Variants in ZNF282 observed in about 807,000 individuals in gnomAD.
ZNF282 encodes HTLV-I U5 repressive element-binding protein 1.
In ZNF282, 30 loss-of-function variants were observed where a neutral mutation model predicts 61.9. That is an observed-to-expected ratio of 0.48 (90% confidence interval 0.36 to 0.66). The LOEUF (loss-of-function observed/expected upper bound fraction) is 0.66, where lower values mean the gene tolerates loss of function less well. Among genes scored for constraint, ZNF282 ranks in the 30% least tolerant of loss-of-function variants. The pLI is 0.00. For synonymous variants in ZNF282, 396 were observed against 405.0 expected, an observed-to-expected ratio of 0.98 and a Z score of 0.27; for missense variants, 788 against 941.4, an observed-to-expected ratio of 0.84 and a Z score of 2.13.
In ZNF282 at chr7:149,212,450, A is replaced by G; in HGVS notation, c.1045A>G (p.Ile349Val). Residue 349 changes from isoleucine (I) to valine (V), a missense_variant, in exon 6 of 8, where the codon ATT becomes GTT. This residue lies in a region of ZNF282 where 559 missense variants were observed against 642.0 expected (regional missense o/e 0.87). Transcript: ENST00000610704. ...WDQQDLADRD[I>V]PTDPNSESLI... Reference sequence around the variant, plus strand: ...TCAGCAGGATTTGGCAGACAGAGATATTCCCACGGATCCCAATTCAGGTGA... The same window carrying G: ...TCAGCAGGATTTGGCAGACAGAGATGTTCCCACGGATCCCAATTCAGGTGA... The G allele has an allele frequency of 2.5e-6, 4 of 1,612,562 alleles. No homozygotes were observed. Among genetic ancestry groups the G allele is most frequent in the South Asian group, 1.1e-5 (1 of 90,646 alleles).
chr7:149,207,247 C>A, intron 3 of ZNF282, 104 bp from the exon 4 acceptor site: 2 of 1,432,426 alleles, frequency 1.4e-6, no homozygotes, highest in Non-Finnish European at 9.4e-7. Context: ...GAGGGACACC[C>A]AGGAGGAGAG....
At chr7:149,210,327 C>T (rs981480750) in intron 4 of ZNF282, among the ~76,000 whole-genome samples, 4 of 152,136 alleles carry the variant, frequency 2.6e-5, no homozygotes, top group Non-Finnish European at 4.4e-5. Context: ...TTGCCTAGCC[C>T]TTTTTCTTGA....
At position 149,198,612 on chromosome 7, in the gene ZNF282, A is replaced by G. The variant is rs139491039; in HGVS notation, c.445A>G (p.Ser149Gly). The change falls in exon 2 of 8, where the codon AGC becomes GGC. Residue 149 changes from serine (S) to glycine (G), a missense_variant. Coordinates refer to ENST00000610704, the MANE Select transcript of ZNF282 (RefSeq NM_003575.4). The surrounding 1 kb of genome is among the most constrained non-coding windows in gnomAD (Gnocchi z 4.3). ...CGTGGAATTTGGGAACCACATGGAG[A>G]GCAAGTGGGCCGTGCTGGGGACCCT... ...TAVEFGNHME[S>G]KWAVLGTLLQ... The G allele has an allele frequency of 1.9e-6, 3 of 1,614,006 alleles. No homozygotes were observed. In the African/African-American group the frequency reaches 4.0e-5, roughly 22 times the overall value.
At chr7:149,215,351 T>C (rs2129523551) in intron 7 of ZNF282, among the ~76,000 whole-genome samples, 1 of 152,130 alleles carries the variant, frequency 6.6e-6, no homozygotes, top group Admixed American at 6.5e-5. Flanking sequence ...TACAGGTGTG[T>C]GCCACCATGC....
chr7:149,223,769 C>T, intron 7 of ZNF282, 43 bp from the exon 8 acceptor site: 1 of 1,453,732 alleles, frequency 6.9e-7, no homozygotes, highest in Non-Finnish European at 9.0e-7. Flanking sequence ...GGGGTCCTGG[C>T]CGAGAACCCC....
At chr7:149,221,325 G>A (rs1029553688) in intron 7 of ZNF282, among the ~76,000 whole-genome samples, 2 of 152,202 alleles carry the variant, frequency 1.3e-5, no homozygotes, top group Non-Finnish European at 2.9e-5. Context: ...CAAGTGCCTG[G>A]GCTGCCGGGC....
In ZNF282 at chr7:149,223,888, G is replaced by GCAGCTGCAGTCGCAGCCC; in HGVS notation, c.1262_1279dup (p.Leu421_Gln426dup). 7.1e-7 allele frequency: 1 copy of GCAGCTGCAGTCGCAGCCC among 1,404,980 alleles called. No homozygotes were observed. The highest frequency in any genetic ancestry group is 1.5e-5 in the South Asian group (1 of 68,952). 87.0% of individuals were successfully genotyped at this position (1,404,980 alleles called of 1,614,324 possible). On this transcript the variant is annotated inframe_insertion, in exon 8 of 8. Transcript: ENST00000610704. ...AGCCCCAGCCCCAGCCACCGCAGCC[G>GCAGCTGCAGTCGCAGCCC]CAGCTGCAGTCGCAGCCCCAGCCCC...
rs776564575 is a variant in ZNF282, at chr7:149,207,433, C to T, written c.795C>T (p.His265=). The change falls in exon 4 of 8, where the codon CAC becomes CAT. Residue 265 remains histidine, a synonymous_variant. Transcript: ENST00000610704. ...AACCTTGTGTGTGGGAGCAGCGCCA[C>T]CCCGAAGAGAGAGAAATCCCAATGG... ...REEPCVWEQR[H]PEEREIPMDP... The T allele has an allele frequency of 2.4e-5, 37 of 1,565,614 alleles. No homozygotes were observed. The Middle Eastern group carries it at 5.0e-4, about 21-fold the overall frequency.
Position 149,223,919 on chromosome 7 carries a change from C to T in ZNF282, c.1288C>T (p.Leu430=), listed in dbSNP as rs1366120892. ...QLQSQPQPQS[L]PPIAVAENPG... ...GCAGTCGCAGCCCCAGCCCCAGAGC[C>T]TGCCCCCCATCGCGGTGGCCGAGAA... Residue 430 remains leucine (L), a synonymous_variant, in exon 8 of 8, where the codon CTG becomes TTG. Coordinates refer to ENST00000610704, the MANE Select transcript of ZNF282 (RefSeq NM_003575.4). 2.2e-6 allele frequency: 3 copies of T among 1,351,936 alleles called. No homozygotes were observed. Among genetic ancestry groups the T allele is most frequent in the Admixed American group, 3.7e-5 (1 of 27,198 alleles). The allele number at this position is 1,351,936 out of a possible 1,614,324, so 83.7% of individuals were successfully genotyped here.
Position 149,198,214 on chromosome 7 carries a change from G to T in ZNF282, c.166-119G>T, listed in dbSNP as rs1372297408. The T allele has an allele frequency of 3.2e-6, 4 of 1,234,120 alleles. No individual in the cohort carries two copies. The highest frequency in any genetic ancestry group is 2.4e-5 in the East Asian group (1 of 41,642). 76.4% of individuals were successfully genotyped at this position (1,234,120 alleles called of 1,614,324 possible). ...GGTGTTAGTGTATCCTGAGTTACGG[G>T]GGCCTGGCAGAAGAAAGACGACATG... On this transcript the variant is annotated intron_variant, in intron 1 of 7. Transcript: ENST00000610704. The surrounding 1 kb of genome is among the most constrained non-coding windows in gnomAD (Gnocchi z 4.3).
Position 149,224,186 on chromosome 7 carries a change from T to G in ZNF282, c.1555T>G (p.Ser519Ala), listed in dbSNP as rs369576424. ...LLHGARSKPYSCPECGKSFGV... is the reference protein window; with the variant it reads ...LLHGARSKPYACPECGKSFGV... ...GCACGGCGCCCGCAGCAAGCCCTACTCGTGCCCCGAGTGCGGCAAGAGCTT... is the reference window on the plus strand; with the variant it reads ...GCACGGCGCCCGCAGCAAGCCCTACGCGTGCCCCGAGTGCGGCAAGAGCTT... The change falls in exon 8 of 8, where the codon TCG (serine) becomes GCG (alanine). Residue 519 changes from serine to alanine, a missense_variant. Ser to Ala is a moderately conservative substitution (Grantham distance 99). This residue lies in a region of ZNF282 where 559 missense variants were observed against 642.0 expected (regional missense o/e 0.87). Coordinates refer to ENST00000610704, the MANE Select transcript of ZNF282 (RefSeq NM_003575.4). 6.2e-7 allele frequency: 1 copy of G among 1,603,452 alleles called. No individual in the cohort carries two copies. Among genetic ancestry groups the G allele is most frequent in the Non-Finnish European group, 8.5e-7 (1 of 1,179,194 alleles).
Position 149,206,741 on chromosome 7 carries a change from G to A in ZNF282, c.631G>A (p.Glu211Lys). Residue 211 changes from glutamate (E) to lysine (K), a missense_variant, in exon 3 of 8, where the codon GAG (glutamate) becomes AAG (lysine). By Grantham distance (56) the Glu-to-Lys change is moderately conservative. Transcript: ENST00000610704. The stretch of plus-strand genomic sequence containing the variant: ...CATTGCTGTGTACTTCTCCGAAGAC[G>A]AGTGGAAGAACTTGGACGAATGGCA... ...VDIAVYFSED[E>K]WKNLDEWQKE... The A allele has an allele frequency of 6.2e-7, 1 of 1,614,218 alleles. No individual in the cohort carries two copies.
rs1354159349 is a variant in ZNF282 at position 149,224,403 on chromosome 7, A to G, written c.1772A>G (p.Asn591Ser). Reference sequence around the variant, plus strand: ...TACAGCCGTAAGGAGCACCTGCAGAACCACCAGCGGCTGCACACGGGCGAG... The same window carrying G: ...TACAGCCGTAAGGAGCACCTGCAGAGCCACCAGCGGCTGCACACGGGCGAG... ...KTYSRKEHLQ[N>S]HQRLHTGERP... Residue 591 changes from asparagine (N) to serine (S), a missense_variant, in exon 8 of 8, where the codon AAC (asparagine) becomes AGC (serine). Asn to Ser is a conservative substitution (Grantham distance 46). Transcript: ENST00000610704. The G allele has an allele frequency of 2.5e-6, 4 of 1,613,896 alleles. No individual in the cohort carries two copies. In the South Asian group the frequency reaches 4.4e-5, roughly 18 times the overall value.
intron 7 of ZNF282, among the ~76,000 whole-genome samples, chr7:149,217,427 G>A (rs1376689588): frequency 6.6e-6 from 1 of 152,142 alleles, no homozygotes; most frequent in Non-Finnish European, 1.5e-5. Context: ...AGCCAGGAGT[G>A]GTGGTGGGCA....
chr7:149,195,719 C>T lies in ZNF282; in HGVS notation c.130C>T (p.Arg44Cys). Reference sequence around the variant, plus strand: ...GGTCTGCCACCAGGAGCCGGCGCTGCGCGGGGAAATGGCCGAGGGAATGCC... The same window carrying T: ...GGTCTGCCACCAGGAGCCGGCGCTGTGCGGGGAAATGGCCGAGGGAATGCC... ...EEVCHQEPAL[R>C]GEMAEGMPPM... The change falls in exon 1 of 8, where the codon CGC becomes TGC. Residue 44 changes from arginine (R) to cysteine (C), a missense_variant. Transcript: ENST00000610704. 1.3e-6 allele frequency: 2 copies of T among 1,545,210 alleles called. No individual in the cohort carries two copies. The highest frequency in any genetic ancestry group is 1.7e-6 in the Non-Finnish European group (2 of 1,146,802).
Position 149,225,064 on chromosome 7 carries a change from C to T in ZNF282, c.*417C>T, listed in dbSNP as rs1486257444. Reference sequence around the variant, plus strand: ...AGGCCGAGGGATGTGCTAAGGGTAACACCTTCATGATGACAACACTGCCTC... The same window carrying T: ...AGGCCGAGGGATGTGCTAAGGGTAATACCTTCATGATGACAACACTGCCTC... On this transcript the variant is annotated 3_prime_UTR_variant, in exon 8 of 8. Transcript: ENST00000610704. 1 of 210,618 alleles carries T rather than the reference C, an allele frequency of 4.7e-6. No homozygotes were observed. Among genetic ancestry groups the T allele is most frequent in the African/African-American group, 2.3e-5 (1 of 43,412 alleles). 13.0% of individuals were successfully genotyped at this position (210,618 alleles called of 1,614,324 possible).
intron 2 of ZNF282, among the ~76,000 whole-genome samples, chr7:149,199,378 T>C (rs1388320033): frequency 6.6e-6 from 1 of 152,122 alleles, no homozygotes; most frequent in Non-Finnish European, 1.5e-5. Flanking sequence ...CTTTCCCTTG[T>C]TCCTGTGGCT....
At chr7:149,203,892 T>C (rs1795951761) in intron 2 of ZNF282, among the ~76,000 whole-genome samples, 1 of 152,228 alleles carries the variant, frequency 6.6e-6, no homozygotes, top group Admixed American at 6.5e-5. Flanking sequence ...ATTGTGTTAG[T>C]TACCTATTGC....
At chr7:149,206,495 T>G (rs1585564525) in intron 2 of ZNF282, 1 of 701,108 alleles carries the variant, frequency 1.4e-6, no homozygotes, top group Non-Finnish European at 2.4e-6. Flanking sequence ...AAAGGCAGGG[T>G]TGACCATCCG....
Sources: allele counts gnomAD v4.1 joint callset (sites outside exome capture counted in the v4.1 genomes callset), GRCh38; gene constraint gnomAD v4.1.1; regional missense constraint gnomAD v4.1.1; non-coding constraint Gnocchi (gnomAD v3.1); transcripts MANE v1.5; gene names NCBI Gene and HGNC (gene_info 2026-07-23, HGNC 2026-07-21).